The following SYN3 variants were observed in gnomAD, a reference collection of about 807,000 sequenced individuals.
SYN3 encodes synapsin III.
In SYN3, 35 loss-of-function variants were observed where a neutral mutation model predicts 65.8. That is an observed-to-expected ratio of 0.53 (90% confidence interval 0.41 to 0.70). The LOEUF (loss-of-function observed/expected upper bound fraction) is 0.70. Among genes scored for constraint, SYN3 ranks in the 30% least tolerant of loss-of-function variants. The pLI, the probability that SYN3 is intolerant of heterozygous loss-of-function variation, is 0.00. For missense variants in SYN3, 680 were observed against 749.0 expected (o/e 0.91, Z 1.08); for synonymous variants, 270 against 292.9 (o/e 0.92, Z 0.80).
intron 7 of SYN3, among the ~76,000 whole-genome samples, chr22:32,569,256 A>AATCTATCTATCTATCTATCTGTCTATCT (rs1555898441): frequency 3.5e-5 from 5 of 140,990 alleles, no homozygotes; most frequent in East Asian, 2.4e-4. Context: ...ATGCATCCAA[A>AATCTATCTATCTATCTATCTGTCTATCT]ATCTATCTAT....
Position 32,693,870 on chromosome 22 carries a change from A to T in SYN3, c.712-97134T>A, listed in dbSNP as rs1484832220. Among the ~76,000 whole-genome samples the T allele has an allele frequency of 4.6e-5, 7 of 152,020 alleles. No individual in the cohort carries two copies. The East Asian group carries it at 1.3e-3, about 29-fold the overall frequency. On this transcript the variant is annotated intron_variant, in intron 6 of 13. Transcript: ENST00000358763. ...AGTGCTGGGATTACAGGCATGAGCC[A>T]CTGTGCCCGGCCTGTAACTTATACT... is the stretch of plus-strand genomic sequence containing the variant.
intron 6 of SYN3, among the ~76,000 whole-genome samples, chr22:32,767,632 G>A (rs1454091322): frequency 6.6e-6 from 1 of 152,170 alleles, no homozygotes; most frequent in Non-Finnish European, 1.5e-5. Context: ...TTATTCCACT[G>A]TCTTTGAACT....
chr22:32,823,860 C>A (rs563839517), intron 6 of SYN3, among the ~76,000 whole-genome samples: 1 of 152,198 alleles, frequency 6.6e-6, no homozygotes, highest in South Asian at 2.1e-4. Context: ...ATGGTACATC[C>A]CCACAGTGCC....
chr22:32,916,298 T>C (rs560334540), intron 4 of SYN3, among the ~76,000 whole-genome samples: 2 of 152,316 alleles, frequency 1.3e-5, no homozygotes, highest in Admixed American at 6.5e-5. Context: ...GCCCACAGAT[T>C]GAAAGCAAAT....
At chr22:32,960,412 C>T (rs1057447538) in intron 3 of SYN3, among the ~76,000 whole-genome samples, 1 of 152,136 alleles carries the variant, frequency 6.6e-6, no homozygotes, top group African/African-American at 2.4e-5. Flanking sequence ...GCTCACTCCT[C>T]CCCACAAATT....
intron 6 of SYN3, among the ~76,000 whole-genome samples, chr22:32,833,605 G>C (rs2047641911): frequency 1.3e-5 from 2 of 152,298 alleles, no homozygotes; most frequent in Middle Eastern, 3.4e-3. Context: ...CCATGCCACT[G>C]TGCCGTAGTT....
At chr22:32,965,775 A>G (rs2051817967) in intron 3 of SYN3, among the ~76,000 whole-genome samples, 1 of 151,930 alleles carries the variant, frequency 6.6e-6, no homozygotes, top group Non-Finnish European at 1.5e-5. Context: ...GCTCACTGCA[A>G]GCTCCGCCTC....
intron 10 of SYN3, 111 bp from the exon 11 acceptor site, chr22:32,529,119 T>A: frequency 1.5e-6 from 2 of 1,354,730 alleles, no homozygotes; most frequent in East Asian, 2.3e-5. Flanking sequence ...GACCACCAGA[T>A]GGCGATGTCC....
At chr22:33,032,510 A>C (rs898087668) in intron 1 of SYN3, among the ~76,000 whole-genome samples, 8 of 152,184 alleles carry the variant, frequency 5.3e-5, no homozygotes, top group Non-Finnish European at 1.2e-4. Context: ...ATCTCAAAAA[A>C]AAAAAAAGTT....
chr22:32,587,311 G>C (rs930374828), intron 7 of SYN3, among the ~76,000 whole-genome samples: 4 of 151,900 alleles, frequency 2.6e-5, no homozygotes, highest in African/African-American at 9.7e-5. Context: ...AGGTGAGAGA[G>C]GACATAGGGA....
At chr22:32,572,385 T>G (rs2146431060) in intron 7 of SYN3, among the ~76,000 whole-genome samples, 1 of 79,698 alleles carries the variant, frequency 1.3e-5, no homozygotes, top group Non-Finnish European at 2.4e-5. Context: ...CTCCCATCTT[T>G]CCTTCCTTCC....
At chr22:32,533,752 A>G (rs1601583395) in intron 10 of SYN3, 41 bp downstream of exon 10, 1 of 1,445,340 alleles carries the variant, frequency 6.9e-7, no homozygotes, top group Non-Finnish European at 9.7e-7. Context: ...CACGCCTGCC[A>G]GGCTGGACCA....
At chr22:32,753,642 C>G (rs977779743) in intron 6 of SYN3, among the ~76,000 whole-genome samples, 6 of 152,248 alleles carry the variant, frequency 3.9e-5, no homozygotes, top group Non-Finnish European at 5.9e-5. Flanking sequence ...TTTAAGAAGC[C>G]CCACACTCCA....
At chr22:32,923,463 C>T (rs2050386902) in intron 4 of SYN3, among the ~76,000 whole-genome samples, 1 of 152,226 alleles carries the variant, frequency 6.6e-6, no homozygotes, top group African/African-American at 2.4e-5. Flanking sequence ...ATCACATCAC[C>T]ATTCCTGAAG....
intron 6 of SYN3, among the ~76,000 whole-genome samples, chr22:32,828,535 G>C (rs773879459): frequency 2.0e-5 from 3 of 152,188 alleles, no homozygotes; most frequent in Non-Finnish European, 4.4e-5. Flanking sequence ...AGCCTTCTAG[G>C]CCACAGGCAG....
chr22:32,540,655 CT>C lies in SYN3; in HGVS notation c.917+915del, dbSNP rs1251063688. Reference sequence around the variant, plus strand: ...TGTAATCCGTGCTTTGTTGAACCACCTCTAGGGTGAAGGCGGGCTGCTTTTC... The same window carrying C: ...TGTAATCCGTGCTTTGTTGAACCACCCTAGGGTGAAGGCGGGCTGCTTTTC... On this transcript the variant is annotated intron_variant, in intron 8 of 13. Coordinates refer to ENST00000358763, the MANE Select transcript of SYN3 (RefSeq NM_003490.4). 2.6e-5 allele frequency among the ~76,000 whole-genome samples: 4 copies of C among 152,326 alleles called. No individual in the cohort carries two copies. The East Asian group carries it at 7.7e-4, about 29-fold the overall frequency.
At chr22:32,731,431 T>C (rs565276972) in intron 6 of SYN3, among the ~76,000 whole-genome samples, 8 of 152,280 alleles carry the variant, frequency 5.3e-5, no homozygotes, top group South Asian at 4.1e-4. Context: ...CCAGCCGCTC[T>C]TTCTGGGGAA....
chr22:32,517,393 C>T (rs1808231587), intron 13 of SYN3, among the ~76,000 whole-genome samples: 1 of 152,210 alleles, frequency 6.6e-6, no homozygotes, highest in Non-Finnish European at 1.5e-5. Context: ...CACCAACAAC[C>T]AGATGTGTGT....
At chr22:33,039,468 TGGGTTCAA>T (rs2053923261) in intron 1 of SYN3, among the ~76,000 whole-genome samples, 1 of 150,848 alleles carries the variant, frequency 6.6e-6, no homozygotes, top group African/African-American at 2.4e-5. Context: ...CTCCGCCTCC[TGGGTTCAA>T]GCGATTCTCC....
Sources: allele counts gnomAD v4.1 joint callset (sites outside exome capture counted in the v4.1 genomes callset), GRCh38; gene constraint gnomAD v4.1.1; transcripts MANE v1.5; gene names NCBI Gene and HGNC (gene_info 2026-07-23, HGNC 2026-07-21).